The following COL5A2 variants were observed in gnomAD, a reference collection of about 807,000 sequenced individuals.
The protein encoded by COL5A2 is collagen alpha-2(V) chain.
In COL5A2, 23 loss-of-function variants were observed where a neutral mutation model predicts 208.2. The observed-to-expected ratio is 0.11, with a 90% CI of 0.08 to 0.16. The LOEUF (loss-of-function observed/expected upper bound fraction) is 0.16, where lower values mean the gene tolerates loss of function less well. COL5A2 is among the 10% of genes least tolerant of loss of function. The pLI is 1.00. For missense variants in COL5A2, 1,590 were observed against 1,956.4 expected (o/e 0.81, Z 3.53); for synonymous variants, 625 against 628.5 (o/e 0.99, Z 0.08).
intron 1 of COL5A2, among the ~76,000 whole-genome samples, chr2:189,159,119 G>A (rs921652996): frequency 2.6e-5 from 4 of 152,014 alleles, no homozygotes; most frequent in African/African-American, 9.7e-5. Context: ...CCTGAACAAA[G>A]GTATTGATCA....
chr2:189,419,636 T>A, the COL5A2 span, among the ~76,000 whole-genome samples: 1 of 148,402 alleles, frequency 6.7e-6, no homozygotes, highest in African/African-American at 2.5e-5. Flanking sequence ...ACAAAATAAT[T>A]TTTTTTTTAA....
the COL5A2 span, among the ~76,000 whole-genome samples, chr2:189,240,269 T>C: frequency 1.6e-4 from 24 of 152,330 alleles, no homozygotes; most frequent in African/African-American, 5.8e-4. Flanking sequence ...AAGATCAAGA[T>C]GTCAGAAGAT....
In COL5A2 at chr2:189,117,059, T is replaced by G. The variant is rs1687405791; in HGVS notation, c.98-6610A>C. Among the ~76,000 whole-genome samples, 3 of 152,148 alleles carry G rather than the reference T, an allele frequency of 2.0e-5. No individual in the cohort carries two copies. The South Asian group carries it at 6.2e-4, about 32-fold the overall frequency. ...TTCAGTTAACTAGTAAAACTGCTGT[T>G]TTTACTTTACTTAAAATGGAAAAAA... On this transcript the variant is annotated intron_variant, in intron 1 of 53. Coordinates refer to ENST00000374866, the MANE Select transcript of COL5A2 (RefSeq NM_000393.5).
At chr2:189,300,240 T>G in the COL5A2 span, among the ~76,000 whole-genome samples, 1 of 152,168 alleles carries the variant, frequency 6.6e-6, no homozygotes, top group Non-Finnish European at 1.5e-5. Flanking sequence ...AAAAGTTGGG[T>G]GGACATATTT....
intron 8 of COL5A2, among the ~76,000 whole-genome samples, chr2:189,087,457 A>T (rs1686686756): frequency 6.6e-6 from 1 of 151,874 alleles, no homozygotes; most frequent in South Asian, 2.1e-4. Context: ...ATTAAAATCA[A>T]ATTTATTCTT....
the COL5A2 span, among the ~76,000 whole-genome samples, chr2:189,289,057 C>A: frequency 6.6e-6 from 1 of 152,202 alleles, no homozygotes; most frequent in Admixed American, 6.5e-5. Flanking sequence ...TGTACCTCGA[C>A]ATGGCTGGGC....
chr2:189,312,272 G>A, the COL5A2 span, among the ~76,000 whole-genome samples: 2 of 152,100 alleles, frequency 1.3e-5, no homozygotes, highest in African/African-American at 4.8e-5. Context: ...AGGCCAGGTG[G>A]TCGTTCAGGC....
chr2:189,071,968 A>C, intron 18 of COL5A2, 72 bp downstream of exon 18: 1 of 1,017,628 alleles, frequency 9.8e-7, no homozygotes, highest in East Asian at 2.5e-5. Flanking sequence ...AATTAATTAA[A>C]TGTCATTCTT....
intron 5 of COL5A2, 145 bp downstream of exon 5, chr2:189,098,582 T>C: frequency 1.5e-6 from 1 of 682,360 alleles, no homozygotes; most frequent in East Asian, 2.8e-5. Context: ...AATGTCTAAC[T>C]TGAAGATGGT....
intron 1 of COL5A2, among the ~76,000 whole-genome samples, chr2:189,149,248 A>T (rs894623660): frequency 2.2e-4 from 34 of 152,246 alleles, no homozygotes; most frequent in African/African-American, 7.5e-4. Context: ...AGATTTTCCC[A>T]TGATAACATC....
At chr2:189,182,171 C>T (rs1181123611), upstream of COL5A2, among the ~76,000 whole-genome samples, 4 of 152,132 alleles carry the variant, frequency 2.6e-5, no homozygotes, top group African/African-American at 2.4e-5. Context: ...GAGGACAATG[C>T]CATTTCTTAG....
chr2:189,228,864 A>G (rs1181101093), upstream of COL5A2, among the ~76,000 whole-genome samples: 1 of 151,942 alleles, frequency 6.6e-6, no homozygotes, highest in Non-Finnish European at 1.5e-5. Context: ...ACAAGAAAAT[A>G]AAACTGTAAG....
At chr2:189,191,140 T>TAAAAAAAAAAAAACAAAAAAAAACCAAAA (rs61294032) in intron 1 of COL5A2, among the ~76,000 whole-genome samples, 1 of 118,916 alleles carries the variant, frequency 8.4e-6, no homozygotes, top group Non-Finnish European at 1.7e-5. Context: ...AGGGAAACCA[T>TAAAAAAAAAAAAACAAAAAAAAACCAAAA]AAAAAAAAAA....
At position 189,059,585 on chromosome 2, in the gene COL5A2, G is replaced by GTTTTTTTTTTTTT. The variant is rs71020980; in HGVS notation, c.2086-705_2086-693dup. Among the ~76,000 whole-genome samples, 65 of 28,638 alleles carry GTTTTTTTTTTTTT rather than the reference G, an allele frequency of 2.3e-3. 17 individuals carry two copies. The highest frequency in any genetic ancestry group is 2.9e-3 in the Admixed American group (5 of 1,726). 18.8% of individuals were successfully genotyped at this position (28,638 alleles called of 152,430 possible). A position where few individuals can be genotyped will look rare whatever the true frequency, so the allele number is the denominator to read the frequency against. On this transcript the variant is annotated intron_variant, in intron 31 of 53. Coordinates refer to ENST00000374866, the MANE Select transcript of COL5A2 (RefSeq NM_000393.5). ...AAAAACCCTTCTTTTTTCTTTTCTG[G>GTTTTTTTTTTTTT]TTTTTTTTTTTTTTTTTTTTTTTTT...
the COL5A2 span, among the ~76,000 whole-genome samples, chr2:189,374,854 C>G: frequency 6.6e-6 from 1 of 152,170 alleles, no homozygotes; most frequent in Middle Eastern, 3.4e-3. Flanking sequence ...TCCTTTCACA[C>G]TATGGATCTC....
chr2:189,423,398 A>G, the COL5A2 span, among the ~76,000 whole-genome samples: 1 of 152,082 alleles, frequency 6.6e-6, no homozygotes, highest in East Asian at 1.9e-4. Context: ...CAGAAAAGAA[A>G]TAAATGAAAT....
chr2:189,072,765 CAA>C (rs58636533), intron 17 of COL5A2, among the ~76,000 whole-genome samples: 11 of 67,518 alleles, frequency 1.6e-4, no homozygotes, highest in East Asian at 8.0e-4. Flanking sequence ...ACTCCATCTC[CAA>C]AAAAAAAAAA....
the COL5A2 span, among the ~76,000 whole-genome samples, chr2:189,402,385 T>G: frequency 6.6e-6 from 1 of 152,150 alleles, no homozygotes; most frequent in Non-Finnish European, 1.5e-5. Context: ...ACCCAGTTAA[T>G]TTTTGAATTT....
chr2:189,206,339 C>A (rs1689143238), intron 1 of COL5A2, among the ~76,000 whole-genome samples: 1 of 152,178 alleles, frequency 6.6e-6, no homozygotes, highest in East Asian at 1.9e-4. Flanking sequence ...ATTCTGCTGT[C>A]TTTATCTGTT....
Sources: gnomAD v4.1 joint callset for allele counts (sites outside exome capture counted in the v4.1 genomes callset) on GRCh38, gnomAD v4.1.1 for gene constraint, MANE v1.5 for transcripts, NCBI Gene and HGNC (gene_info 2026-07-23, HGNC 2026-07-21) for gene names.